Variants in FIG4 observed in about 807,000 individuals in gnomAD.
FIG4 encodes the protein polyphosphoinositide phosphatase.
In FIG4, 112 loss-of-function variants were observed where a neutral mutation model predicts 118.6. The ratio of observed to expected loss-of-function variants is 0.94; its 90% CI spans 0.81 to 1.11. The LOEUF (loss-of-function observed/expected upper bound fraction) is 1.11. FIG4 is among the 50% of genes least tolerant of loss of function. FIG4 has a pLI of 0.00. For missense variants in FIG4, 969 were observed against 1,111.7 expected, an observed-to-expected ratio of 0.87 and a Z score of 1.83; for synonymous variants, 369 against 381.2, an observed-to-expected ratio of 0.97 and a Z score of 0.37.
At chr6:109,734,633 C>G (rs1776108259) in intron 5 of FIG4, among the ~76,000 whole-genome samples, 1 of 151,894 alleles carries the variant, frequency 6.6e-6, no homozygotes, top group Non-Finnish European at 1.5e-5. Flanking sequence ...GCCTTTTACT[C>G]TTCTAAAACA....
At chr6:109,784,904 C>A in intron 16 of FIG4, 66 bp from the exon 17 acceptor site, 1 of 793,540 alleles carries the variant, frequency 1.3e-6, no homozygotes, top group Non-Finnish European at 2.1e-6. Flanking sequence ...ATTATTTTAT[C>A]CAGTAAATTT....
intron 16 of FIG4, 123 bp downstream of exon 16, chr6:109,777,183 T>A: frequency 1.1e-6 from 1 of 949,342 alleles, no homozygotes; most frequent in Non-Finnish European, 1.5e-6. Context: ...TTAAAATTTT[T>A]AAAATTTTTT....
At chr6:109,818,093 C>T (rs1778910143) in intron 22 of FIG4, among the ~76,000 whole-genome samples, 1 of 152,234 alleles carries the variant, frequency 6.6e-6, no homozygotes. Flanking sequence ...CCAGCCACCT[C>T]AGCTATACAG....
chr6:109,804,075 C>G (rs1424845817), intron 22 of FIG4, among the ~76,000 whole-genome samples: 1 of 151,966 alleles, frequency 6.6e-6, no homozygotes, highest in Admixed American at 6.6e-5. Context: ...GAGATGAAGA[C>G]TTTATGGTTT....
At chr6:109,735,684 A>G (rs1374928267) in intron 6 of FIG4, among the ~76,000 whole-genome samples, 1 of 152,086 alleles carries the variant, frequency 6.6e-6, no homozygotes. Context: ...TGAGTTTTGA[A>G]AAAGAGTTAC....
chr6:109,824,103 C>A (rs1235431501), intron 22 of FIG4, among the ~76,000 whole-genome samples: 1 of 152,202 alleles, frequency 6.6e-6, no homozygotes, highest in African/African-American at 2.4e-5. Context: ...TCAACAAGGC[C>A]TTTCTGGAGA....
At chr6:109,761,728 G>T (rs185789981) in intron 11 of FIG4, among the ~76,000 whole-genome samples, 21 of 152,296 alleles carry the variant, frequency 1.4e-4, no homozygotes, top group Non-Finnish European at 2.8e-4. Context: ...TCTGCCACCT[G>T]CACTGTGCGT....
Position 109,694,349 on chromosome 6 carries a change from C to T in FIG4, c.66+2848C>T, listed in dbSNP as rs574752349. Among the ~76,000 whole-genome samples the T allele has an allele frequency of 6.6e-5, 10 of 152,248 alleles. No homozygotes were observed. In the East Asian group the frequency reaches 1.9e-3, roughly 29 times the overall value. ...GAATGTATACTGGGGAAAGGACAGT[C>T]TCTTCAATAAATGGTGTTGAGAAAA... On this transcript the variant is annotated intron_variant, in intron 1 of 22. Transcript: ENST00000230124.
At chr6:109,732,614 G>GTACTTTGT (rs763477426) in intron 4 of FIG4, 23 bp from the exon 5 acceptor site, 1 of 1,071,534 alleles carries the variant, frequency 9.3e-7, no homozygotes, top group Admixed American at 1.9e-5. Context: ...CAAATGAAAT[G>GTACTTTGT]TACTTTGTTT....
chr6:109,691,695 T>G (rs757313123), intron 1 of FIG4, among the ~76,000 whole-genome samples, 194 bp downstream of exon 1: 24 of 152,182 alleles, frequency 1.6e-4, no homozygotes, highest in Non-Finnish European at 3.1e-4. Context: ...TTTGGTACCC[T>G]GGACATTGCA....
chr6:109,698,339 A>G (rs1228307097), intron 1 of FIG4, among the ~76,000 whole-genome samples: 2 of 152,170 alleles, frequency 1.3e-5, no homozygotes, highest in African/African-American at 4.8e-5. Flanking sequence ...GTGTTTCCAT[A>G]TGAATTTTAC....
intron 10 of FIG4, among the ~76,000 whole-genome samples, chr6:109,751,442 G>A (rs1776692673): frequency 6.6e-6 from 1 of 152,160 alleles, no homozygotes; most frequent in Admixed American, 6.6e-5. Context: ...ATGAGTTAGG[G>A]AGGAGTCCCT....
chr6:109,746,352 A>G (rs987633635), intron 10 of FIG4, among the ~76,000 whole-genome samples: 1 of 152,290 alleles, frequency 6.6e-6, no homozygotes, highest in African/African-American at 2.4e-5. Context: ...AGAGGCAACA[A>G]TATAAGGTAA....
rs941231577 is a variant in FIG4, at chr6:109,824,943, G to T, written c.2547-145G>T. On this transcript the variant is annotated intron_variant, in intron 22 of 22. Coordinates refer to ENST00000230124, the MANE Select transcript of FIG4 (RefSeq NM_014845.6). ...GCAGAGAAGAGAACCAGCCTCGCAA[G>T]GACTGGGGAGGTCATCCCAGCAGCT... 5.4e-6 allele frequency: 4 copies of T among 738,754 alleles called. No individual in the cohort carries two copies. In the East Asian group the frequency reaches 1.1e-4, roughly 20 times the overall value. The allele number at this position is 738,754 out of a possible 1,614,324, so 45.8% of individuals were successfully genotyped here. A position where few individuals can be genotyped will look rare whatever the true frequency, so the allele number is the denominator to read the frequency against.
rs1474948149 is a variant in FIG4, at chr6:109,728,564, A to T, written c.446+1299A>T. 2.0e-5 allele frequency among the ~76,000 whole-genome samples: 3 copies of T among 152,176 alleles called. No homozygotes were observed. The East Asian group carries it at 5.8e-4, about 29-fold the overall frequency. Reference sequence around the variant, plus strand: ...ATACATGAACCAAAATTTAAAGGTGATGCAGCCCTGTTGCTTGAGACCATC... The same window carrying T: ...ATACATGAACCAAAATTTAAAGGTGTTGCAGCCCTGTTGCTTGAGACCATC... On this transcript the variant is annotated intron_variant, in intron 4 of 22. Coordinates refer to ENST00000230124, the MANE Select transcript of FIG4 (RefSeq NM_014845.6).
At chr6:109,762,721 A>G (rs1777149892) in intron 12 of FIG4, among the ~76,000 whole-genome samples, 2 of 151,902 alleles carry the variant, frequency 1.3e-5, no homozygotes, top group Non-Finnish European at 1.5e-5. Context: ...ATAAAAAAGA[A>G]CTAACTACTA....
intron 22 of FIG4, among the ~76,000 whole-genome samples, chr6:109,815,175 A>T (rs532342782): frequency 1.3e-5 from 2 of 152,128 alleles, no homozygotes; most frequent in East Asian, 1.9e-4. Context: ...TATTTGATTT[A>T]TTCCCCCATA....
chr6:109,775,423 C>A (rs1777590243), intron 15 of FIG4, among the ~76,000 whole-genome samples: 1 of 152,114 alleles, frequency 6.6e-6, no homozygotes, highest in Non-Finnish European at 1.5e-5. Flanking sequence ...TTTTACCATA[C>A]TTGCTAAAAA....
chr6:109,815,226 A>T (rs4388322), intron 22 of FIG4, among the ~76,000 whole-genome samples: 1 of 151,458 alleles, frequency 6.6e-6, no homozygotes, highest in Non-Finnish European at 1.5e-5. Context: ...ACCCCTTCCC[A>T]GACATGAACG....
Sources: gnomAD v4.1 joint callset for allele counts (sites outside exome capture counted in the v4.1 genomes callset) on GRCh38, gnomAD v4.1.1 for gene constraint, MANE v1.5 for transcripts, NCBI Gene and HGNC (gene_info 2026-07-23, HGNC 2026-07-21) for gene names.